The following GPC5 variants were observed in gnomAD, a reference collection of about 807,000 sequenced individuals.
The protein encoded by GPC5 is glypican 5, also known as glypican-5.
GPC5 carries 47 observed loss-of-function variants against 53.9 expected under a neutral mutation model. That is an observed-to-expected ratio of 0.87 (90% confidence interval 0.69 to 1.11). The LOEUF is 1.11. Ranked by LOEUF, GPC5 falls within the 50% of genes most tolerant of loss-of-function variation. The pLI is 0.00. For missense variants in GPC5, 748 were observed against 713.1 expected, an observed-to-expected ratio of 1.05 and a Z score of -0.56; for synonymous variants, 286 against 263.3, an observed-to-expected ratio of 1.09 and a Z score of -0.84.
At chr13:91,426,909 T>C (rs1239202743) in intron 1 of GPC5, among the ~76,000 whole-genome samples, 1 of 152,172 alleles carries the variant, frequency 6.6e-6, no homozygotes, top group Non-Finnish European at 1.5e-5. Flanking sequence ...ATATTAACCA[T>C]CACATGTGCC....
intron 7 of GPC5, among the ~76,000 whole-genome samples, chr13:92,839,755 G>A (rs573428512): frequency 7.9e-5 from 12 of 152,104 alleles, no homozygotes; most frequent in Admixed American, 5.9e-4. Context: ...CTAGACTAAT[G>A]AAGAAAAGAG....
rs563513113 is a variant in GPC5 at position 91,641,712 on chromosome 13, A to G, written c.326-51475A>G. On this transcript the variant is annotated intron_variant, in intron 2 of 7. Coordinates refer to ENST00000377067, the MANE Select transcript of GPC5 (RefSeq NM_004466.6). ...CAACACTATTCACCCAGTACATGGTATCATATTTAGTTTATCAGGAGTTAC... is the reference window on the plus strand; with the variant it reads ...CAACACTATTCACCCAGTACATGGTGTCATATTTAGTTTATCAGGAGTTAC... Among the ~76,000 whole-genome samples, 84 of 152,346 alleles carry G rather than the reference A, an allele frequency of 5.5e-4. 1 individual carries two copies. Among genetic ancestry groups the G allele is most frequent in the Middle Eastern group, 3.4e-3 (1 of 294 alleles).
chr13:92,502,519 T>C (rs1456516252), intron 7 of GPC5, among the ~76,000 whole-genome samples: 2 of 151,894 alleles, frequency 1.3e-5, no homozygotes, highest in African/African-American at 2.4e-5. Flanking sequence ...AAGCTAGATA[T>C]AAAGGATTGA....
chr13:91,779,201 A>C (rs1235819813), intron 5 of GPC5, among the ~76,000 whole-genome samples: 1 of 152,218 alleles, frequency 6.6e-6, no homozygotes, highest in Non-Finnish European at 1.5e-5. Flanking sequence ...TAATGAGTTA[A>C]AATTAGCCCA....
At chr13:92,844,795 C>T (rs1464820566) in intron 7 of GPC5, among the ~76,000 whole-genome samples, 1 of 152,054 alleles carries the variant, frequency 6.6e-6, no homozygotes, top group East Asian at 1.9e-4. Flanking sequence ...TGGAACAATA[C>T]AGGAAGCCAA....
At chr13:91,614,619 C>T (rs1214238021) in intron 2 of GPC5, among the ~76,000 whole-genome samples, 2 of 152,158 alleles carry the variant, frequency 1.3e-5, no homozygotes, top group Admixed American at 1.3e-4. Context: ...GCATGAGCTA[C>T]TGTGCCTGGC....
At chr13:91,679,548 G>C (rs1033766479) in intron 2 of GPC5, among the ~76,000 whole-genome samples, 1 of 152,154 alleles carries the variant, frequency 6.6e-6, no homozygotes, top group South Asian at 2.1e-4. Flanking sequence ...TCATAATACT[G>C]TGAAGTCATG....
Position 92,500,623 on chromosome 13 carries a change from A to AT in GPC5, c.1561+355639dup, listed in dbSNP as rs377740586. ...GCCTTCCAAGATAGTTTATTTTACA[A>AT]TTTTTCCCCCCATCCTGAGTGAACC... is the stretch of plus-strand genomic sequence containing the variant. On this transcript the variant is annotated intron_variant, in intron 7 of 7. Coordinates refer to ENST00000377067, the MANE Select transcript of GPC5 (RefSeq NM_004466.6). Among the ~76,000 whole-genome samples the AT allele has an allele frequency of 6.1e-3, 926 of 152,106 alleles. 11 individuals are homozygous for AT. The highest frequency in any genetic ancestry group is 0.021 in the African/African-American group (892 of 41,492).
intron 6 of GPC5, among the ~76,000 whole-genome samples, chr13:91,957,223 G>A (rs1159572001): frequency 5.9e-5 from 9 of 151,844 alleles, no homozygotes; most frequent in South Asian, 4.2e-4. Flanking sequence ...TATATCAAGC[G>A]GAAGAAAGAA....
intron 7 of GPC5, among the ~76,000 whole-genome samples, chr13:92,214,536 C>A (rs1035238649): frequency 4.6e-5 from 7 of 152,144 alleles, no homozygotes; most frequent in African/African-American, 1.7e-4. Context: ...CTGCTTTAGT[C>A]CATGATGTCA....
intron 3 of GPC5, among the ~76,000 whole-genome samples, chr13:91,721,097 CTTTCTTTCTTTCTTTCTTTCTTTCTT>C (rs1273297181): frequency 8.6e-6 from 1 of 115,872 alleles, no homozygotes; most frequent in Non-Finnish European, 1.9e-5. Context: ...TTCTTTCTTT[CTTTCTTTCTTTCTTTCTTTCTTTCTT>C]TCTTTCTTTC....
intron 6 of GPC5, among the ~76,000 whole-genome samples, chr13:91,966,282 A>T (rs112118164): frequency 0.024 from 3,588 of 152,304 alleles, 141 homozygotes; most frequent in African/African-American, 0.082. Flanking sequence ...GCATAGAAAT[A>T]GGAATAAACT....
At chr13:91,592,702 C>T (rs892972396) in intron 2 of GPC5, among the ~76,000 whole-genome samples, 6 of 152,216 alleles carry the variant, frequency 3.9e-5, no homozygotes, top group African/African-American at 1.2e-4. Flanking sequence ...CCCTTGGATT[C>T]GGGTTCCAGG....
chr13:92,853,902 G>A (rs1202206725), intron 7 of GPC5, among the ~76,000 whole-genome samples: 1 of 152,062 alleles, frequency 6.6e-6, no homozygotes, highest in Non-Finnish European at 1.5e-5. Context: ...CAATGTAAGA[G>A]ACACTATATA....
intron 7 of GPC5, among the ~76,000 whole-genome samples, chr13:92,464,613 G>A (rs1878620360): frequency 6.6e-6 from 1 of 151,924 alleles, no homozygotes; most frequent in African/African-American, 2.4e-5. Flanking sequence ...CTTGACTCAA[G>A]AATACCTGCA....
At chr13:91,741,028 T>G (rs920767233) in intron 4 of GPC5, among the ~76,000 whole-genome samples, 3 of 152,128 alleles carry the variant, frequency 2.0e-5, no homozygotes, top group Admixed American at 6.6e-5. Context: ...GCCAGGCCTC[T>G]CATTTCAGAA....
intron 7 of GPC5, among the ~76,000 whole-genome samples, chr13:92,160,893 T>A (rs987258207): frequency 6.6e-6 from 1 of 152,196 alleles, no homozygotes; most frequent in South Asian, 2.1e-4. Flanking sequence ...ATCCTAGACT[T>A]GGAATATTTG....
chr13:92,594,743 AT>A (rs1397784746), intron 7 of GPC5, among the ~76,000 whole-genome samples: 10 of 152,344 alleles, frequency 6.6e-5, no homozygotes, highest in African/African-American at 1.9e-4. Flanking sequence ...AGGAGAAAAA[AT>A]ATCACTTGAA....
At chr13:91,542,066 T>G (rs1443413750) in intron 2 of GPC5, among the ~76,000 whole-genome samples, 1 of 151,084 alleles carries the variant, frequency 6.6e-6, no homozygotes, top group Non-Finnish European at 1.5e-5. Flanking sequence ...CACTCTTAAA[T>G]CAACCTTAAA....
Sources: gnomAD v4.1 joint callset for allele counts (sites outside exome capture counted in the v4.1 genomes callset) on GRCh38, gnomAD v4.1.1 for gene constraint, MANE v1.5 for transcripts, NCBI Gene and HGNC (gene_info 2026-07-23, HGNC 2026-07-21) for gene names.